PTPRD: variants seen among roughly 807,000 people sequenced by gnomAD.
PTPRD encodes the protein receptor-type tyrosine-protein phosphatase delta.
A neutral mutation model predicts 214.5 loss-of-function variants in PTPRD; 34 were observed. The ratio of observed to expected loss-of-function variants is 0.16; its 90% CI spans 0.12 to 0.21. The LOEUF (loss-of-function observed/expected upper bound fraction) is 0.21, where lower values mean the gene tolerates loss of function less well. Ranked by LOEUF, PTPRD falls within the 10% of genes least tolerant of loss-of-function variation. PTPRD has a pLI of 1.00. For missense variants in PTPRD, 2,545 were observed against 2,398.7 expected (o/e 1.06, Z -1.27); for synonymous variants, 1,128 against 845.7 (o/e 1.33, Z -5.79).
intron 3 of PTPRD, among the ~76,000 whole-genome samples, chr9:10,292,194 T>C (rs1323092218): frequency 6.6e-6 from 1 of 152,134 alleles, no homozygotes; most frequent in East Asian, 1.9e-4. Flanking sequence ...AAGTAAAAGA[T>C]ACTGAGGAGA....
At chr9:9,560,026 C>G (rs730887) in intron 8 of PTPRD, among the ~76,000 whole-genome samples, 2,510 of 152,262 alleles carry the variant, frequency 0.016, 135 homozygotes, top group Admixed American at 0.11. Flanking sequence ...CCCCTCAAGT[C>G]GGGCTTCTCG....
chr9:9,811,485 A>C (rs1254980834), intron 5 of PTPRD, among the ~76,000 whole-genome samples: 1 of 152,152 alleles, frequency 6.6e-6, no homozygotes, highest in Non-Finnish European at 1.5e-5. Flanking sequence ...AGGTGGGCGG[A>C]TCATGAGGTC....
intron 11 of PTPRD, among the ~76,000 whole-genome samples, chr9:8,948,505 TTATATATATATATTTATATATATATTTA>T (rs2099082801): frequency 7.7e-5 from 1 of 13,064 alleles, no homozygotes; most frequent in African/African-American, 1.9e-4. Context: ...ATATATATAT[TTATATATATATATTTATATATATATTTA>T]TATATATATT....
intron 9 of PTPRD, among the ~76,000 whole-genome samples, chr9:9,300,650 T>C (rs539106908): frequency 6.6e-6 from 1 of 151,884 alleles, no homozygotes; most frequent in African/African-American, 2.4e-5. Context: ...CTCACCTCTG[T>C]CTTCTGCTGT....
rs192019953 is a variant in PTPRD, at chr9:8,381,518, C to T, written c.4387-4792G>A. Among the ~76,000 whole-genome samples, 552 of 152,244 alleles carry T rather than the reference C, an allele frequency of 3.6e-3. 1 individual carries two copies. Among genetic ancestry groups the T allele is most frequent in the Non-Finnish European group, 5.1e-3 (346 of 68,032 alleles). On this transcript the variant is annotated intron_variant, in intron 37 of 45. Coordinates refer to ENST00000381196, the MANE Select transcript of PTPRD (RefSeq NM_002839.4). Reference sequence around the variant, plus strand: ...TATCTATTCCCAACTGGCAGTCAGTCTGGTTTGTGTATTCCCCCATTTTAT... The same window carrying T: ...TATCTATTCCCAACTGGCAGTCAGTTTGGTTTGTGTATTCCCCCATTTTAT...
chr9:8,362,534 C>A (rs2078764905), intron 39 of PTPRD, among the ~76,000 whole-genome samples: 1 of 152,102 alleles, frequency 6.6e-6, no homozygotes, highest in African/African-American at 2.4e-5. Context: ...AAGCCTCTGC[C>A]CAATTGATTA....
intron 9 of PTPRD, among the ~76,000 whole-genome samples, chr9:9,309,290 G>A (rs1393381360): frequency 1.3e-5 from 2 of 150,268 alleles, no homozygotes; most frequent in African/African-American, 4.9e-5. Context: ...TTCCTAAAAG[G>A]TATAGATGAA....
At chr9:8,933,346 T>TTTTTG (rs2098967336) in intron 11 of PTPRD, among the ~76,000 whole-genome samples, 1 of 143,540 alleles carries the variant, frequency 7.0e-6, no homozygotes, top group Non-Finnish European at 1.5e-5. Context: ...TGAGGTTTTT[T>TTTTTG]TTTTTTTTTT....
At chr9:10,587,726 T>G (rs1351906770) in intron 2 of PTPRD, among the ~76,000 whole-genome samples, 2 of 152,216 alleles carry the variant, frequency 1.3e-5, no homozygotes, top group Admixed American at 6.6e-5. Flanking sequence ...ATATAACATG[T>G]AGTTGGCACT....
intron 7 of PTPRD, among the ~76,000 whole-genome samples, chr9:9,671,424 T>C (rs1000729976): frequency 4.8e-5 from 7 of 144,690 alleles, no homozygotes; most frequent in Non-Finnish European, 1.1e-4. Flanking sequence ...CTGTGGACTT[T>C]TAGGTTAATG....
At chr9:10,335,617 T>C (rs776595618) in intron 3 of PTPRD, among the ~76,000 whole-genome samples, 2 of 151,434 alleles carry the variant, frequency 1.3e-5, no homozygotes, top group Non-Finnish European at 3.0e-5. Context: ...AAATAAAAAA[T>C]TCCAGCTGAA....
At chr9:10,283,374 G>A (rs535556317) in intron 3 of PTPRD, among the ~76,000 whole-genome samples, 66 of 152,250 alleles carry the variant, frequency 4.3e-4, no homozygotes, top group African/African-American at 1.6e-3. Flanking sequence ...TAAAGGCAAA[G>A]ACAATGTTTT....
intron 25 of PTPRD, among the ~76,000 whole-genome samples, chr9:8,498,274 A>AT (rs2097320040): frequency 6.6e-6 from 1 of 151,960 alleles, no homozygotes; most frequent in Non-Finnish European, 1.5e-5. Context: ...TTATTTTTTT[A>AT]TTTTTTTAAT....
intron 5 of PTPRD, among the ~76,000 whole-genome samples, chr9:9,800,170 G>C (rs2099029726): frequency 6.6e-6 from 1 of 152,082 alleles, no homozygotes; most frequent in Non-Finnish European, 1.5e-5. Flanking sequence ...ATGCCCATTT[G>C]TTTTATAAAA....
intron 3 of PTPRD, among the ~76,000 whole-genome samples, chr9:10,139,866 T>G (rs1214862460): frequency 2.6e-5 from 4 of 152,116 alleles, no homozygotes; most frequent in Non-Finnish European, 4.4e-5. Flanking sequence ...AATCCCTATC[T>G]ATCACCATAC....
chr9:9,359,326 T>G (rs937767114), intron 9 of PTPRD, among the ~76,000 whole-genome samples: 1 of 151,252 alleles, frequency 6.6e-6, no homozygotes, highest in African/African-American at 2.4e-5. Flanking sequence ...TTCTAAGGAA[T>G]AGGAAAGGAC....
intron 11 of PTPRD, among the ~76,000 whole-genome samples, chr9:8,852,544 G>C (rs565482882): frequency 6.6e-6 from 1 of 152,194 alleles, no homozygotes; most frequent in African/African-American, 2.4e-5. Flanking sequence ...CATTTACAAA[G>C]GAAAGCAAGG....
At chr9:10,604,628 A>G (rs2078848938) in intron 2 of PTPRD, among the ~76,000 whole-genome samples, 1 of 151,806 alleles carries the variant, frequency 6.6e-6, no homozygotes, top group African/African-American at 2.4e-5. Flanking sequence ...AGCTAACCAC[A>G]TATGTTTCCT....
At chr9:9,430,968 A>T (rs1447756362) in intron 8 of PTPRD, among the ~76,000 whole-genome samples, 1 of 152,210 alleles carries the variant, frequency 6.6e-6, no homozygotes, top group Non-Finnish European at 1.5e-5. Flanking sequence ...AAACCTAGGC[A>T]ATACCATTCA....
Sources: allele counts gnomAD v4.1 joint callset (sites outside exome capture counted in the v4.1 genomes callset), GRCh38; gene constraint gnomAD v4.1.1; transcripts MANE v1.5; gene names NCBI Gene and HGNC (gene_info 2026-07-23, HGNC 2026-07-21).